The following ADGB variants were observed in gnomAD, a reference collection of about 807,000 sequenced individuals.
ADGB encodes the protein calpain-7-like protein.
In ADGB, 172 loss-of-function variants were observed where a neutral mutation model predicts 210.5. The ratio of observed to expected loss-of-function variants is 0.82; its 90% confidence interval spans 0.72 to 0.93. ADGB has a LOEUF of 0.93. Among genes scored for constraint, ADGB ranks in the 40% least tolerant of loss-of-function variants. The probability of loss-of-function intolerance (pLI) is 0.00; values close to 1 mark genes in which losing one functional copy is unlikely to be tolerated. For synonymous variants in ADGB, 658 were observed against 662.7 expected, an observed-to-expected ratio of 0.99 and a Z score of 0.11; for missense variants, 2,025 against 1,964.8, an observed-to-expected ratio of 1.03 and a Z score of -0.58.
Position 146,806,300 on chromosome 6 carries a change from C to T in ADGB, c.4818+4289C>T, listed in dbSNP as rs114269350. Reference sequence around the variant, plus strand: ...ATTTTAAGAGAAACATGATCAATAACATATTTCTTATCAGATAGGAGAATG... The same window carrying T: ...ATTTTAAGAGAAACATGATCAATAATATATTTCTTATCAGATAGGAGAATG... On this transcript the variant is annotated intron_variant, in intron 35 of 35. Coordinates refer to ENST00000397944, the MANE Select transcript of ADGB (RefSeq NM_024694.4). 5.7e-3 allele frequency among the ~76,000 whole-genome samples: 872 copies of T among 152,292 alleles called. 7 individuals carry two copies. Among genetic ancestry groups the T allele is most frequent in the African/African-American group, 0.02 (830 of 41,550 alleles).
intron 3 of ADGB, among the ~76,000 whole-genome samples, chr6:146,652,047 A>G (rs1421087620): frequency 6.6e-6 from 1 of 152,118 alleles, no homozygotes; most frequent in Non-Finnish European, 1.5e-5. Context: ...AGTGGCCCAG[A>G]CCCTTGAGCA....
chr6:146,644,936 A>AT lies in ADGB; in HGVS notation c.330+77dup, dbSNP rs779392493. ...TATTATCCTACTGATAAAAATTTGC[A>AT]TTTTTTGTAATGATTTAGGGTAATT... is the stretch of plus-strand genomic sequence containing the variant. On this transcript the variant is annotated intron_variant, in intron 3 of 35. Coordinates refer to ENST00000397944, the MANE Select transcript of ADGB (RefSeq NM_024694.4). 2.5e-5 allele frequency: 23 copies of AT among 916,554 alleles called. No homozygotes were observed. The East Asian group carries it at 2.7e-4, about 11-fold the overall frequency. The allele number at this position is 916,554 out of a possible 1,614,324, so 56.8% of individuals were successfully genotyped here.
intron 19 of ADGB, among the ~76,000 whole-genome samples, chr6:146,727,968 GA>G (rs915789007): frequency 6.6e-5 from 10 of 152,072 alleles, no homozygotes; most frequent in African/African-American, 2.2e-4. Flanking sequence ...CCTCTAAGGG[GA>G]AAAAAGTTGT....
chr6:146,772,438 A>ACACAGCTGGTTGCTGG (rs888924616), intron 29 of ADGB, among the ~76,000 whole-genome samples: 2 of 124,948 alleles, frequency 1.6e-5, no homozygotes, highest in African/African-American at 5.5e-5. Context: ...TATATATATC[A>ACACAGCTGGTTGCTGG]CACAGCTGGT....
At chr6:146,809,342 G>C (rs917038908) in intron 35 of ADGB, among the ~76,000 whole-genome samples, 1 of 152,162 alleles carries the variant, frequency 6.6e-6, no homozygotes, top group Non-Finnish European at 1.5e-5. Flanking sequence ...GAATAGCTGG[G>C]ATTAGTGGTG....
At chr6:146,636,664 T>C (rs1265830975) in intron 2 of ADGB, among the ~76,000 whole-genome samples, 1 of 151,556 alleles carries the variant, frequency 6.6e-6, no homozygotes, top group Non-Finnish European at 1.5e-5. Flanking sequence ...AAATCTAGGA[T>C]AGAACCTTAC....
intron 7 of ADGB, among the ~76,000 whole-genome samples, chr6:146,667,109 A>G (rs1775947921): frequency 6.6e-6 from 1 of 151,990 alleles, no homozygotes; most frequent in African/African-American, 2.4e-5. Context: ...TGACCCCCAT[A>G]GGTTCTTTGT....
intron 1 of ADGB, among the ~76,000 whole-genome samples, chr6:146,605,097 T>A (rs1025472380): frequency 6.6e-6 from 1 of 152,156 alleles, no homozygotes. Context: ...GATTAAGGAA[T>A]TCAAACTATA....
intron 26 of ADGB, among the ~76,000 whole-genome samples, chr6:146,750,553 T>C (rs73786729): frequency 6.6e-6 from 1 of 151,894 alleles, no homozygotes; most frequent in Non-Finnish European, 1.5e-5. Context: ...TCCATATATA[T>C]AGAGAGAAAA....
chr6:146,650,225 A>G (rs1775680857), intron 3 of ADGB, among the ~76,000 whole-genome samples: 1 of 152,196 alleles, frequency 6.6e-6, no homozygotes, highest in African/African-American at 2.4e-5. Flanking sequence ...TCTGTTTTAA[A>G]TGAGTTTCCA....
intron 35 of ADGB, among the ~76,000 whole-genome samples, chr6:146,806,370 A>G (rs1488403112): frequency 6.6e-6 from 1 of 152,188 alleles, no homozygotes; most frequent in Non-Finnish European, 1.5e-5. Flanking sequence ...GATGTATATT[A>G]AACTTATTTA....
chr6:146,725,623 T>C (rs941836326), intron 18 of ADGB: 4 of 152,382 alleles, frequency 2.6e-5, no homozygotes, highest in African/African-American at 7.2e-5. Flanking sequence ...AAATGCTCAA[T>C]AACTGGAGGA....
rs1409630175 is a variant in ADGB at position 146,801,199 on chromosome 6, A to C, written c.4554A>C (p.Thr1518=). ...RKENIQTGPR[T]RSPTILETSP... ...TTTTTAAAGAAACAGGACCTCGTACACGATCTCCAACAATTTTGGAAACAT... is the reference window on the plus strand; with the variant it reads ...TTTTTAAAGAAACAGGACCTCGTACCCGATCTCCAACAATTTTGGAAACAT... Residue 1518 remains threonine (T), a synonymous_variant, in exon 34 of 36, where the codon ACA becomes ACC. Coordinates refer to ENST00000397944, the MANE Select transcript of ADGB (RefSeq NM_024694.4). 12 of 1,500,532 alleles carry C rather than the reference A, an allele frequency of 8.0e-6. No individual in the cohort carries two copies. The highest frequency in any genetic ancestry group is 1.1e-5 in the Non-Finnish European group (12 of 1,123,314). The allele number at this position is 1,500,532 out of a possible 1,614,324, so 93.0% of individuals were successfully genotyped here. A position where few individuals can be genotyped will look rare whatever the true frequency, so the allele number is the denominator to read the frequency against.
At chr6:146,684,087 A>C (rs1180173024) in intron 9 of ADGB, among the ~76,000 whole-genome samples, 3 of 152,034 alleles carry the variant, frequency 2.0e-5, no homozygotes, top group Non-Finnish European at 2.9e-5. Flanking sequence ...AACTCAGCTG[A>C]CTTTTTGTAA....
chr6:146,751,175 C>T (rs1307048566), intron 26 of ADGB, among the ~76,000 whole-genome samples: 1 of 143,532 alleles, frequency 7.0e-6, no homozygotes, highest in Middle Eastern at 3.5e-3. Flanking sequence ...GTTCCCCTCC[C>T]TGTGTCCATG....
rs778473660 is a variant in ADGB, at chr6:146,676,433, T to C, written c.1208T>C (p.Leu403Pro). 200 of 1,416,408 alleles carry C rather than the reference T, an allele frequency of 1.4e-4. No homozygotes were observed. Among genetic ancestry groups the C allele is most frequent in the Non-Finnish European group, 1.8e-4 (198 of 1,078,908 alleles). 87.7% of individuals were successfully genotyped at this position (1,416,408 alleles called of 1,614,324 possible). ...GAAGTGCAGTACTCTGTGCAGTCCC[T>C]ATCAGATTGTAAGCTCCTAATTTCT... is the stretch of plus-strand genomic sequence containing the variant. ...SSEVQYSVQS[L>P]SDCSSAIQTS... Residue 403 changes from leucine to proline, a missense_variant, in exon 9 of 36, where the codon CTA becomes CCA. Coordinates refer to ENST00000397944, the MANE Select transcript of ADGB (RefSeq NM_024694.4).
chr6:146,784,738 G>T lies in ADGB; in HGVS notation c.4156G>T (p.Glu1386Ter), dbSNP rs905814650. Reference sequence around the variant, plus strand: ...GAAAAAGGATACAGAAAGGGCAGATGAAATCCGAGCCATGAAACAAGCCTG... The same window carrying T: ...GAAAAAGGATACAGAAAGGGCAGATTAAATCCGAGCCATGAAACAAGCCTG... ...EVKKDTERAD[E>*]IRAMKQAWET... Residue 1386 changes from glutamate to a stop codon, truncating the protein, a stop_gained, in exon 31 of 36, where the codon GAA (glutamate) becomes TAA (stop). Transcript: ENST00000397944. LOFTEE classifies it high-confidence loss of function. 2 of 1,551,048 alleles carry T rather than the reference G, an allele frequency of 1.3e-6. No individual in the cohort carries two copies. Among genetic ancestry groups the T allele is most frequent in the African/African-American group, 2.7e-5 (2 of 72,984 alleles).
At chr6:146,784,091 A>G (rs1038522445) in intron 30 of ADGB, among the ~76,000 whole-genome samples, 1 of 152,218 alleles carries the variant, frequency 6.6e-6, no homozygotes, top group Non-Finnish European at 1.5e-5. Flanking sequence ...TGTATTCACC[A>G]TGTAATCCAT....
chr6:146,751,771 G>A (rs780051046), intron 26 of ADGB, among the ~76,000 whole-genome samples: 6 of 152,064 alleles, frequency 3.9e-5, no homozygotes, highest in Non-Finnish European at 5.9e-5. Context: ...CCACATGTAT[G>A]TCATTTTTTG....
Sources: gnomAD v4.1 joint callset for allele counts (sites outside exome capture counted in the v4.1 genomes callset) on GRCh38, gnomAD v4.1.1 for gene constraint, MANE v1.5 for transcripts, NCBI Gene and HGNC (gene_info 2026-07-23, HGNC 2026-07-21) for gene names.